The following ATP11A variants were observed in gnomAD, a reference collection of about 807,000 sequenced individuals.
ATP11A encodes ATPase phospholipid transporting 11A.
ATP11A carries 81 observed loss-of-function variants against 154.4 expected under a neutral mutation model. That is an observed-to-expected ratio of 0.52 (90% CI 0.44 to 0.63). The LOEUF is 0.63. ATP11A is among the 30% of genes least tolerant of loss of function. ATP11A has a pLI of 0.00. For missense variants in ATP11A, 1,316 were observed against 1,474.3 expected (o/e 0.89, Z 1.76); for synonymous variants, 623 against 585.9 (o/e 1.06, Z -0.91).
chr13:112,735,314 C>A (rs1283154618), intron 1 of ATP11A, among the ~76,000 whole-genome samples: 1 of 152,132 alleles, frequency 6.6e-6, no homozygotes, highest in East Asian at 1.9e-4. Context: ...TCTTTGAGTG[C>A]CCCGAAAGCC....
intron 1 of ATP11A, among the ~76,000 whole-genome samples, chr13:112,779,835 C>T (rs1020699639): frequency 3.3e-5 from 5 of 151,712 alleles, no homozygotes; most frequent in Admixed American, 1.3e-4. Flanking sequence ...AACCTGGAAG[C>T]GGTGGTTGCA....
At chr13:112,843,346 C>T (rs1453237656) in intron 17 of ATP11A, among the ~76,000 whole-genome samples, 2 of 152,098 alleles carry the variant, frequency 1.3e-5, no homozygotes, top group East Asian at 1.9e-4. Context: ...TGGGTGGACG[C>T]GCTCCCTCTG....
At chr13:112,735,649 C>A (rs1453768709) in intron 1 of ATP11A, among the ~76,000 whole-genome samples, 1 of 152,174 alleles carries the variant, frequency 6.6e-6, no homozygotes, top group Non-Finnish European at 1.5e-5. Context: ...AACCTTCACT[C>A]GCGCAGATAA....
chr13:112,744,529 C>T (rs549615879), intron 1 of ATP11A, among the ~76,000 whole-genome samples: 20 of 152,222 alleles, frequency 1.3e-4, no homozygotes, highest in African/African-American at 4.6e-4. Flanking sequence ...CAGCTTCTCA[C>T]GTGAAAGCTG....
intron 2 of ATP11A, among the ~76,000 whole-genome samples, chr13:112,801,630 A>G (rs1029944595): frequency 3.9e-5 from 6 of 152,254 alleles, no homozygotes; most frequent in African/African-American, 1.4e-4. Flanking sequence ...TCGCTATCCT[A>G]TATGCCAGCA....
Position 112,808,173 on chromosome 13 carries a change from C to T in ATP11A, c.333+1880C>T, listed in dbSNP as rs549742353. ...CACGGCCCCAGACAACATGTGGTGT[C>T]CTCGGCCCGGCTGTGCCCCATCCCT... On this transcript the variant is annotated intron_variant, in intron 4 of 29. Transcript: ENST00000375645. Among the ~76,000 whole-genome samples the T allele has an allele frequency of 2.0e-5, 3 of 152,234 alleles. No individual in the cohort carries two copies. In the South Asian group the frequency reaches 6.2e-4, roughly 32 times the overall value.
chr13:112,794,012 G>A (rs1027399740), intron 2 of ATP11A, among the ~76,000 whole-genome samples: 1 of 152,236 alleles, frequency 6.6e-6, no homozygotes, highest in South Asian at 2.1e-4. Flanking sequence ...GTGGACTCTG[G>A]CTATGGCGTC....
rs895807593 is a variant in ATP11A, at chr13:112,785,046, C to T, written c.40-89C>T. 80 of 1,355,906 alleles carry T rather than the reference C, an allele frequency of 5.9e-5. No homozygotes were observed. Among genetic ancestry groups the T allele is most frequent in the African/African-American group, 3.2e-4 (21 of 66,538 alleles). The allele number at this position is 1,355,906 out of a possible 1,614,324, so 84.0% of individuals were successfully genotyped here. A position where few individuals can be genotyped will look rare whatever the true frequency, so the allele number is the denominator to read the frequency against. ...CAGCAGCAGGTACAGGTCTCCGTTCCGACGAACGTGCCTCAAGGCAACACT... is the reference window on the plus strand; with the variant it reads ...CAGCAGCAGGTACAGGTCTCCGTTCTGACGAACGTGCCTCAAGGCAACACT... On this transcript the variant is annotated intron_variant, in intron 1 of 29. Transcript: ENST00000375645. The surrounding 1 kb of genome is among the most constrained non-coding windows in gnomAD (Gnocchi z 4.8).
At position 112,859,228 on chromosome 13, in the gene ATP11A, T is replaced by A. The variant is rs1258520301; in HGVS notation, c.2668-165T>A. 1.5e-6 allele frequency: 1 copy of A among 661,292 alleles called. No individual in the cohort carries two copies. Among genetic ancestry groups the A allele is most frequent in the Admixed American group, 2.3e-5 (1 of 44,288 alleles). 41.0% of individuals were successfully genotyped at this position (661,292 alleles called of 1,614,324 possible). ...AAACGTGGTCACATGTGCATTTCAG[T>A]TGCCCCTGAAATAAGAGAAAGCTTT... On this transcript the variant is annotated intron_variant, in intron 22 of 29. Transcript: ENST00000375645. The surrounding 1 kb of genome is among the most constrained non-coding windows in gnomAD (Gnocchi z 4.3).
At position 112,746,805 on chromosome 13, in the gene ATP11A, A is replaced by G. The variant is rs1034682740; in HGVS notation, c.40-38330A>G. 1 of 151,346 alleles carries G rather than the reference A, an allele frequency of 6.6e-6. No individual in the cohort carries two copies. The highest frequency in any genetic ancestry group is 2.4e-5 in the African/African-American group (1 of 41,110). The allele number at this position is 151,346 out of a possible 1,614,324, so 9.4% of individuals were successfully genotyped here. On this transcript the variant is annotated intron_variant, in intron 1 of 29. Transcript: ENST00000375645. This position sits in a 1 kb window ranked among gnomAD's most constrained non-coding sequence, Gnocchi z 4.1. ...GGTATTGAACTCAAGTGATCCTCCT[A>G]CGTTGACCTCCCTAAGTGCTGGGAT... is the stretch of plus-strand genomic sequence containing the variant.
intron 20 of ATP11A, 72 bp downstream of exon 20, chr13:112,856,157 A>C: frequency 3.5e-6 from 5 of 1,439,498 alleles, no homozygotes; most frequent in Non-Finnish European, 2.8e-6. Flanking sequence ...GTTAGGTCTC[A>C]CCGCCTCAGA....
rs542703468 is a variant in ATP11A, at chr13:112,859,645, C to A, written c.2727+193C>A. Among the ~76,000 whole-genome samples, 1 of 152,270 alleles carries A rather than the reference C, an allele frequency of 6.6e-6. No homozygotes were observed. Among genetic ancestry groups the A allele is most frequent in the African/African-American group, 2.4e-5 (1 of 41,546 alleles). ...GGGGGCCACGGAGCTGAGGAGTTGC[C>A]GTCCTGGAGGCCCCTTGTTCCATGT... On this transcript the variant is annotated intron_variant, in intron 23 of 29. Coordinates refer to ENST00000375645, the MANE Select transcript of ATP11A (RefSeq NM_015205.3). The surrounding 1 kb of genome is among the most constrained non-coding windows in gnomAD (Gnocchi z 4.3).
intron 5 of ATP11A, among the ~76,000 whole-genome samples, chr13:112,813,270 A>C (rs931550968): frequency 6.6e-6 from 1 of 152,218 alleles, no homozygotes; most frequent in Non-Finnish European, 1.5e-5. Context: ...GGTAGTAAGA[A>C]ATAAAACACA....
chr13:112,697,000 A>G lies in ATP11A; in HGVS notation c.39+6545A>G, dbSNP rs1314320005. 2 of 151,114 alleles carry G rather than the reference A, an allele frequency of 1.3e-5. No homozygotes were observed. The highest frequency in any genetic ancestry group is 4.9e-5 in the African/African-American group (2 of 40,822). 9.4% of individuals were successfully genotyped at this position (151,114 alleles called of 1,614,324 possible). Reference sequence around the variant, plus strand: ...GCGTGCGCAGGCTGGCGGGTGGGCGAGGCGGGTGGAGGATGCGTGGGGCGC... The same window carrying G: ...GCGTGCGCAGGCTGGCGGGTGGGCGGGGCGGGTGGAGGATGCGTGGGGCGC... On this transcript the variant is annotated intron_variant, in intron 1 of 29. Coordinates refer to ENST00000375645, the MANE Select transcript of ATP11A (RefSeq NM_015205.3). The surrounding 1 kb of genome is among the most constrained non-coding windows in gnomAD (Gnocchi z 6.2).
At chr13:112,879,978 C>T (rs2080837247) in intron 29 of ATP11A, among the ~76,000 whole-genome samples, 2 of 152,242 alleles carry the variant, frequency 1.3e-5, no homozygotes, top group Non-Finnish European at 1.5e-5. Context: ...CAGCCTCATC[C>T]TCTGTTTCCT....
intron 16 of ATP11A, among the ~76,000 whole-genome samples, chr13:112,839,971 A>G (rs1345739801): frequency 2.0e-5 from 3 of 152,156 alleles, no homozygotes; most frequent in African/African-American, 7.2e-5. Context: ...AACGGCTCTG[A>G]CATCGATTGG....
intron 1 of ATP11A, among the ~76,000 whole-genome samples, chr13:112,692,003 C>T (rs420431): frequency 6.6e-6 from 1 of 152,068 alleles, no homozygotes; most frequent in Admixed American, 6.5e-5. Flanking sequence ...CACTGGTGCT[C>T]GAGCCCCCAG....
At chr13:112,845,036 G>A (rs1175913068) in intron 17 of ATP11A, among the ~76,000 whole-genome samples, 1 of 147,676 alleles carries the variant, frequency 6.8e-6, no homozygotes, top group East Asian at 1.9e-4. Context: ...TCCAGTTACC[G>A]GGCACTAGCC....
chr13:112,839,325 G>C (rs543289731), intron 16 of ATP11A, among the ~76,000 whole-genome samples: 2 of 151,978 alleles, frequency 1.3e-5, no homozygotes, highest in Non-Finnish European at 2.9e-5. Context: ...CAGAAAAGAT[G>C]AAAGAGAAGG....
Sources: allele counts gnomAD v4.1 joint callset (sites outside exome capture counted in the v4.1 genomes callset), GRCh38; gene constraint gnomAD v4.1.1; non-coding constraint Gnocchi (gnomAD v3.1); transcripts MANE v1.5; gene names NCBI Gene and HGNC (gene_info 2026-07-23, HGNC 2026-07-21).